The following PTPRS variants were observed in gnomAD, a reference collection of about 807,000 sequenced individuals.
PTPRS encodes the protein receptor-type tyrosine-protein phosphatase S.
In PTPRS, 63 loss-of-function variants were observed where a neutral mutation model predicts 215.3. The observed-to-expected ratio is 0.29, with a 90% CI of 0.24 to 0.36. The LOEUF is 0.36. Among genes scored for constraint, PTPRS ranks in the 10% least tolerant of loss-of-function variants. The probability of loss-of-function intolerance (pLI) is 1.00; values close to 1 mark genes in which losing one functional copy is unlikely to be tolerated. For synonymous variants in PTPRS, 1,404 were observed against 1,191.4 expected (o/e 1.18, Z -3.68); for missense variants, 2,258 against 2,825.8 (o/e 0.80, Z 4.56).
Position 5,227,087 on chromosome 19 carries a change from G to A in PTPRS, c.2377-1243C>T, listed in dbSNP as rs138666137. ...TATTGAGACAGGGTCTCACCCTGTCGCCCAGGCTGGAGTGCAGGGTGTAAT... is the reference window on the plus strand; with the variant it reads ...TATTGAGACAGGGTCTCACCCTGTCACCCAGGCTGGAGTGCAGGGTGTAAT... On this transcript the variant is annotated intron_variant, in intron 16 of 37. Coordinates refer to ENST00000262963, the MANE Select transcript of PTPRS (RefSeq NM_002850.4). 4.9e-3 allele frequency among the ~76,000 whole-genome samples: 746 copies of A among 152,064 alleles called. 6 individuals carry two copies. Among genetic ancestry groups the A allele is most frequent in the African/African-American group, 0.017 (714 of 41,476 alleles).
chr19:5,328,273 C>T (rs936959715), intron 1 of PTPRS, among the ~76,000 whole-genome samples: 2 of 152,104 alleles, frequency 1.3e-5, no homozygotes, highest in Admixed American at 6.5e-5. Flanking sequence ...CACACCACCA[C>T]GGCCAGCTGT....
At chr19:5,218,821 G>T in intron 23 of PTPRS, 23 bp from the exon 24 acceptor site, 1 of 1,589,342 alleles carries the variant, frequency 6.3e-7, no homozygotes, top group Non-Finnish European at 8.5e-7. Context: ...GCAGACACAG[G>T]TGAGAAGGGG....
Position 5,243,991 on chromosome 19 carries a change from CCTCCAGCA to C in PTPRS, c.1472_1479del (p.Leu491ArgfsTer133). On this transcript the variant is annotated frameshift_variant, in exon 11 of 38. Transcript: ENST00000262963. LOFTEE classifies it high-confidence loss of function. ...AGCACCCGCACGGTGTAGGTCTCGTCCTCCAGCAGGCTGCCCACGGTGGTCAGCAGGCT... is the reference window on the plus strand; with the variant it reads ...AGCACCCGCACGGTGTAGGTCTCGTCGGCTGCCCACGGTGGTCAGCAGGCT... 4 of 1,488,168 alleles carry C rather than the reference CCTCCAGCA, an allele frequency of 2.7e-6. No individual in the cohort carries two copies. Among genetic ancestry groups the C allele is most frequent in the South Asian group, 2.8e-5 (2 of 71,984 alleles). 92.2% of individuals were successfully genotyped at this position (1,488,168 alleles called of 1,614,324 possible).
At chr19:5,253,451 G>C (rs2045311634) in intron 9 of PTPRS, among the ~76,000 whole-genome samples, 1 of 152,226 alleles carries the variant, frequency 6.6e-6, no homozygotes, top group Admixed American at 6.5e-5. Flanking sequence ...ATGCCAGGTA[G>C]CCCATCTCTT....
chr19:5,221,527 T>C (rs908440371), intron 19 of PTPRS, among the ~76,000 whole-genome samples: 4 of 151,084 alleles, frequency 2.6e-5, no homozygotes, highest in Non-Finnish European at 5.9e-5. Context: ...CCTGATCCCA[T>C]GCTGAATTCC....
At chr19:5,302,737 T>A (rs1479849120) in intron 1 of PTPRS, among the ~76,000 whole-genome samples, 2 of 151,970 alleles carry the variant, frequency 1.3e-5, no homozygotes, top group African/African-American at 4.8e-5. Context: ...AACAGCCCCA[T>A]GCCTAGGGGT....
chr19:5,279,426 C>T (rs774092892), intron 2 of PTPRS, among the ~76,000 whole-genome samples: 5 of 151,418 alleles, frequency 3.3e-5, no homozygotes, highest in Non-Finnish European at 5.9e-5. Context: ...GGCTGGAGTG[C>T]GGTGGTGCAA....
rs1226853952 is a variant in PTPRS at position 5,223,306 on chromosome 19, A to T, written c.2495-9T>A. 1 of 1,448,354 alleles carries T rather than the reference A, an allele frequency of 6.9e-7. No individual in the cohort carries two copies. The highest frequency in any genetic ancestry group is 2.6e-5 in the East Asian group (1 of 38,490). The allele number at this position is 1,448,354 out of a possible 1,614,324, so 89.7% of individuals were successfully genotyped here. Reference sequence around the variant, plus strand: ...GGTTGGGCGGCCCAGCACTGCGGGGATACGGGGCAGGTGTCAGGGTCCCAG... The same window carrying T: ...GGTTGGGCGGCCCAGCACTGCGGGGTTACGGGGCAGGTGTCAGGGTCCCAG... On this transcript the variant is annotated splice_polypyrimidine_tract_variant and intron_variant, in intron 17 of 37. Coordinates refer to ENST00000262963, the MANE Select transcript of PTPRS (RefSeq NM_002850.4).
At chr19:5,229,377 G>A (rs371168042) in intron 15 of PTPRS, 35 bp from the exon 16 acceptor site, 4 of 1,373,982 alleles carry the variant, frequency 2.9e-6, no homozygotes, top group East Asian at 2.8e-5. Flanking sequence ...GGAGAGAGGA[G>A]GAAGGTGAGC....
intron 1 of PTPRS, among the ~76,000 whole-genome samples, chr19:5,288,362 C>A (rs989243573): frequency 7.9e-5 from 12 of 152,130 alleles, no homozygotes; most frequent in African/African-American, 2.4e-4. Flanking sequence ...GCAGGCTACA[C>A]AGACATGCAC....
At chr19:5,292,348 G>T (rs781268601) in intron 1 of PTPRS, among the ~76,000 whole-genome samples, 3 of 152,160 alleles carry the variant, frequency 2.0e-5, no homozygotes, top group Non-Finnish European at 4.4e-5. Flanking sequence ...ACCCTAGGGG[G>T]TCTGGCAGAG....
At chr19:5,276,885 C>T (rs903481299) in intron 2 of PTPRS, among the ~76,000 whole-genome samples, 1 of 152,070 alleles carries the variant, frequency 6.6e-6, no homozygotes, top group African/African-American at 2.4e-5. Flanking sequence ...TCAAGCTGCA[C>T]CTGGGACAGG....
At chr19:5,321,215 G>C (rs1240701737) in intron 1 of PTPRS, among the ~76,000 whole-genome samples, 1 of 152,212 alleles carries the variant, frequency 6.6e-6, no homozygotes, top group African/African-American at 2.4e-5. Context: ...TGAGGCTGCA[G>C]TGAGCTATGA....
intron 4 of PTPRS, among the ~76,000 whole-genome samples, chr19:5,267,511 GC>G (rs959064335): frequency 1.6e-4 from 25 of 151,992 alleles, no homozygotes; most frequent in African/African-American, 5.5e-4. Flanking sequence ...ACAGAAATTA[GC>G]CAGGCATGGT....
At chr19:5,255,928 G>C (rs1429362418) in intron 9 of PTPRS, among the ~76,000 whole-genome samples, 180 bp downstream of exon 9, 1 of 152,086 alleles carries the variant, frequency 6.6e-6, no homozygotes, top group Non-Finnish European at 1.5e-5. Context: ...TGTTTAGTTT[G>C]CTTTGTGCTT....
chr19:5,223,407 GT>G (rs990280551), intron 17 of PTPRS, 110 bp from the exon 18 acceptor site: 2 of 1,222,326 alleles, frequency 1.6e-6, no homozygotes, highest in Admixed American at 4.2e-5. Flanking sequence ...ATTTTTTTGA[GT>G]TGGGGGGGGT....
rs951501584 is a variant in PTPRS, at chr19:5,338,196, G to A, written c.-95+2468C>T. On this transcript the variant is annotated intron_variant, in intron 1 of 37. Transcript: ENST00000262963. This position sits in a 1 kb window ranked among gnomAD's most constrained non-coding sequence, Gnocchi z 4.2. ...ACCAGTCTCTGTCACCCCCTGGGGG[G>A]TTAGGGGCAATGTCATCGGCCAGGG... is the stretch of plus-strand genomic sequence containing the variant. 6.6e-5 allele frequency among the ~76,000 whole-genome samples: 10 copies of A among 152,248 alleles called. No homozygotes were observed. The highest frequency in any genetic ancestry group is 1.5e-4 in the Non-Finnish European group (10 of 68,040).
chr19:5,296,019 G>C (rs747731938), intron 1 of PTPRS, among the ~76,000 whole-genome samples: 3 of 151,992 alleles, frequency 2.0e-5, no homozygotes, highest in Non-Finnish European at 4.4e-5. Flanking sequence ...GCCTCCCAAA[G>C]TGCTGGGATC....
intron 1 of PTPRS, among the ~76,000 whole-genome samples, chr19:5,313,474 G>A (rs1046385496): frequency 1.1e-4 from 17 of 152,192 alleles, no homozygotes; most frequent in African/African-American, 3.6e-4. Context: ...CGGCTGGCTC[G>A]TCGGAAAACA....
Sources: allele counts gnomAD v4.1 joint callset (sites outside exome capture counted in the v4.1 genomes callset), GRCh38; gene constraint gnomAD v4.1.1; non-coding constraint Gnocchi (gnomAD v3.1); transcripts MANE v1.5; gene names NCBI Gene and HGNC (gene_info 2026-07-23, HGNC 2026-07-21).